Variants in ARL2BP observed in about 807,000 individuals in gnomAD.
ARL2BP encodes the protein ARF like GTPase 2 binding protein.
A neutral mutation model predicts 24.2 loss-of-function variants in ARL2BP; 19 were observed. The ratio of observed to expected loss-of-function variants is 0.79; its 90% confidence interval spans 0.55 to 1.15. The LOEUF (loss-of-function observed/expected upper bound fraction) is 1.15. Ranked by LOEUF, ARL2BP falls within the 50% of genes most tolerant of loss-of-function variation. ARL2BP has a pLI of 0.00. For synonymous variants in ARL2BP, 56 were observed against 70.5 expected, an observed-to-expected ratio of 0.79 and a Z score of 1.03; for missense variants, 160 against 190.4, an observed-to-expected ratio of 0.84 and a Z score of 0.94.
intron 5 of ARL2BP, 172 bp from the exon 6 acceptor site, chr16:57,251,994 C>A (rs1159501808): frequency 3.4e-6 from 2 of 589,934 alleles, no homozygotes; most frequent in Admixed American, 3.1e-5. Flanking sequence ...AAAATTAAGA[C>A]TAGGGCAGGC....
At chr16:57,250,710 G>A (rs2075404811) in intron 5 of ARL2BP, 6 of 570,352 alleles carry the variant, frequency 1.1e-5, no homozygotes, top group Non-Finnish European at 1.9e-5. Context: ...CCAACTTAGA[G>A]TTCCTAATCA....
Position 57,249,805 on chromosome 16 carries a change from G to A in ARL2BP, c.246G>A (p.Leu82=), listed in dbSNP as rs769353145. 1 of 1,614,218 alleles carries A rather than the reference G, an allele frequency of 6.2e-7. No individual in the cohort carries two copies. Among genetic ancestry groups the A allele is most frequent in the Non-Finnish European group, 8.5e-7 (1 of 1,180,032 alleles). Residue 82 remains leucine (L), a synonymous_variant, in exon 4 of 6, where the codon CTG becomes CTA. Transcript: ENST00000219204. ...AAAAATACATTGAAGAACAGCTGCT[G>A]CAGCGGATTCCTGAGTTCAACATGG... The part of the protein sequence containing the change: ...LVEKYIEEQL[L]QRIPEFNMAA...
chr16:57,245,525 T>TG, intron 1 of ARL2BP, 120 bp downstream of exon 1: 2 of 1,316,172 alleles, frequency 1.5e-6, no homozygotes, highest in Non-Finnish European at 2.1e-6. Flanking sequence ...CCGGGCAGGG[T>TG]GGGGGCCGCC....
At chr16:57,249,721 G>A (rs764609029) in intron 3 of ARL2BP, 46 bp from the exon 4 acceptor site, 4 of 1,514,564 alleles carry the variant, frequency 2.6e-6, no homozygotes, top group Non-Finnish European at 9.2e-7. Flanking sequence ...AAGAAGTCTT[G>A]TTTTCCCAAA....
chr16:57,249,929 G>A (rs977286351), intron 4 of ARL2BP, 77 bp downstream of exon 4: 32 of 1,366,514 alleles, frequency 2.3e-5, no homozygotes, highest in African/African-American at 2.1e-4. Context: ...ACCAAAAGAC[G>A]CTCCTTGTTT....
intron 2 of ARL2BP, 112 bp from the exon 3 acceptor site, chr16:57,248,419 CCTTCCA>C (rs2075397388): frequency 2.0e-6 from 1 of 508,210 alleles, no homozygotes; most frequent in Admixed American, 3.4e-5. Context: ...CATCAGCTTT[CCTTCCA>C]GAGACTGATC....
chr16:57,245,756 T>G, intron 1 of ARL2BP: 1 of 455,584 alleles, frequency 2.2e-6, no homozygotes, highest in Non-Finnish European at 3.9e-6. Context: ...CCTGACCAAA[T>G]GACCCCCCCC....
Position 57,252,202 on chromosome 16 carries a change from T to C in ARL2BP, c.427T>C (p.Leu143=), listed in dbSNP as rs2075410539. The change falls in exon 6 of 6, where the codon TTA becomes CTA. Residue 143 remains leucine (L), a synonymous_variant. Coordinates refer to ENST00000219204, the MANE Select transcript of ARL2BP (RefSeq NM_012106.4). ...EGRGLDLSSG[L]VVTSLCKSSS... ...CCGAGGACTGGACTTAAGCAGTGGC[T>C]TAGTGGTGACTTCATTGTGCAAATC... 2 of 1,614,162 alleles carry C rather than the reference T, an allele frequency of 1.2e-6. No homozygotes were observed. Among genetic ancestry groups the C allele is most frequent in the East Asian group, 4.5e-5 (2 of 44,884 alleles).
chr16:57,248,465 C>T lies in ARL2BP; in HGVS notation c.101-72C>T, dbSNP rs907021382. ...AGAAAGCAGTACTGCTGACATAGAT[C>T]CTGCCTACTTATAAATCATAATGGT... is the stretch of plus-strand genomic sequence containing the variant. On this transcript the variant is annotated intron_variant, in intron 2 of 5. Coordinates refer to ENST00000219204, the MANE Select transcript of ARL2BP (RefSeq NM_012106.4). 227 of 913,462 alleles carry T rather than the reference C, an allele frequency of 2.5e-4. 1 individual carries two copies. The highest frequency in any genetic ancestry group is 6.5e-5 in the Admixed American group (3 of 45,864). 56.6% of individuals were successfully genotyped at this position (913,462 alleles called of 1,614,324 possible). A position where few individuals can be genotyped will look rare whatever the true frequency, so the allele number is the denominator to read the frequency against.
chr16:57,245,522 G>A (rs892214538), intron 1 of ARL2BP, 117 bp downstream of exon 1: 1 of 1,391,440 alleles, frequency 7.2e-7, no homozygotes, highest in Non-Finnish European at 9.9e-7. Flanking sequence ...GGGCCGGGCA[G>A]GGTGGGGGCC....
In ARL2BP at chr16:57,252,285, T is replaced by C. The variant is rs766287150; in HGVS notation, c.*18T>C. 6 of 1,614,226 alleles carry C rather than the reference T, an allele frequency of 3.7e-6. No homozygotes were observed. The highest frequency in any genetic ancestry group is 3.4e-6 in the Non-Finnish European group (4 of 1,180,028). On this transcript the variant is annotated 3_prime_UTR_variant, in exon 6 of 6. Coordinates refer to ENST00000219204, the MANE Select transcript of ARL2BP (RefSeq NM_012106.4). Reference sequence around the variant, plus strand: ...GGCACTAGGTCCTACCTCCAGCCAATGAATGGGATCATTCTGGATGTCACC... The same window carrying C: ...GGCACTAGGTCCTACCTCCAGCCAACGAATGGGATCATTCTGGATGTCACC...
intron 1 of ARL2BP, 197 bp from the exon 2 acceptor site, chr16:57,245,883 G>A: frequency 1.6e-6 from 1 of 617,508 alleles, no homozygotes; most frequent in Non-Finnish European, 2.9e-6. Flanking sequence ...GAACGTTCAT[G>A]TCACAAACGT....
At chr16:57,248,781 T>C in intron 3 of ARL2BP, 138 bp downstream of exon 3, 1 of 479,730 alleles carries the variant, frequency 2.1e-6, no homozygotes, top group Non-Finnish European at 3.7e-6. Context: ...AGCATCTGGT[T>C]TAAGTTCATT....
At chr16:57,251,633 A>AGGG (rs1401078988) in intron 5 of ARL2BP, 1 of 151,836 alleles carries the variant, frequency 6.6e-6, no homozygotes, top group Non-Finnish European at 1.5e-5. Context: ...TTTCCAGTGA[A>AGGG]GGGAGGTACA....
At position 57,253,040 on chromosome 16, in the gene ARL2BP, T is replaced by C. The variant is rs543650846; in HGVS notation, c.*773T>C. The C allele has an allele frequency of 6.5e-5, 10 of 152,844 alleles. No homozygotes were observed. The East Asian group carries it at 1.9e-3, about 29-fold the overall frequency. 9.5% of individuals were successfully genotyped at this position (152,844 alleles called of 1,614,324 possible). A position where few individuals can be genotyped will look rare whatever the true frequency, so the allele number is the denominator to read the frequency against. ...TCCACTTAAAGATCAAAGTATTATATGCTGTGTGCTTTTTAGGTGTTTGTT... is the reference window on the plus strand; with the variant it reads ...TCCACTTAAAGATCAAAGTATTATACGCTGTGTGCTTTTTAGGTGTTTGTT... On this transcript the variant is annotated 3_prime_UTR_variant, in exon 6 of 6. Transcript: ENST00000219204.
chr16:57,247,738 C>T (rs1042447458), intron 2 of ARL2BP, among the ~76,000 whole-genome samples: 2 of 152,152 alleles, frequency 1.3e-5, no homozygotes, highest in African/African-American at 2.4e-5. Context: ...AGATGCGATT[C>T]GAACCCAGAC....
chr16:57,252,010 T>C (rs2075409750), intron 5 of ARL2BP, 156 bp from the exon 6 acceptor site: 2 of 627,374 alleles, frequency 3.2e-6, no homozygotes, highest in East Asian at 2.8e-5. Flanking sequence ...CAGGCCAGTA[T>C]TGAGCAGAAA....
Position 57,253,457 on chromosome 16 carries a change from C to T in ARL2BP, c.*1190C>T, listed in dbSNP as rs538052058. 1 of 151,746 alleles carries T rather than the reference C, an allele frequency of 6.6e-6. No homozygotes were observed. The highest frequency in any genetic ancestry group is 6.6e-5 in the Admixed American group (1 of 15,252). The allele number at this position is 151,746 out of a possible 1,614,324, so 9.4% of individuals were successfully genotyped here. A position where few individuals can be genotyped will look rare whatever the true frequency, so the allele number is the denominator to read the frequency against. On this transcript the variant is annotated 3_prime_UTR_variant, in exon 6 of 6. Transcript: ENST00000219204. ...CATAGTAGTTCAATTCCCAGTGTGTCCCTTTGATTTTTTTTTTTTAATAGT... is the reference window on the plus strand; with the variant it reads ...CATAGTAGTTCAATTCCCAGTGTGTTCCTTTGATTTTTTTTTTTTAATAGT...
At chr16:57,246,848 G>A (rs1202868410) in intron 2 of ARL2BP, among the ~76,000 whole-genome samples, 1 of 152,070 alleles carries the variant, frequency 6.6e-6, no homozygotes, top group East Asian at 1.9e-4. Flanking sequence ...ATAACCATAA[G>A]CACACATGGC....
Sources: allele counts gnomAD v4.1 joint callset (sites outside exome capture counted in the v4.1 genomes callset), GRCh38; gene constraint gnomAD v4.1.1; transcripts MANE v1.5; gene names NCBI Gene and HGNC (gene_info 2026-07-23, HGNC 2026-07-21).